The following PTK2 variants were observed in gnomAD, a reference collection of about 807,000 sequenced individuals.
PTK2 encodes protein tyrosine kinase 2.
A neutral mutation model predicts 150.1 loss-of-function variants in PTK2; 45 were observed. That is an observed-to-expected ratio of 0.30 (90% CI 0.24 to 0.38). PTK2 has a LOEUF of 0.38. PTK2 is among the 10% of genes least tolerant of loss of function. The probability of loss-of-function intolerance (pLI) is 1.00; values close to 1 mark genes in which losing one functional copy is unlikely to be tolerated. For synonymous variants in PTK2, 432 were observed against 449.2 expected (o/e 0.96, Z 0.48); for missense variants, 919 against 1,307.3 (o/e 0.70, Z 4.58).
At chr8:140,850,332 G>A (rs1201696227) in intron 5 of PTK2, among the ~76,000 whole-genome samples, 5 of 151,832 alleles carry the variant, frequency 3.3e-5, no homozygotes, top group Non-Finnish European at 5.9e-5. Flanking sequence ...AGGCTAAGGC[G>A]GGAGAATTGC....
chr8:140,929,216 C>T lies in PTK2; in HGVS notation c.-121-3467G>A, dbSNP rs566076927. On this transcript the variant is annotated intron_variant, in intron 1 of 31. Transcript: ENST00000522684. ...TCCTGACCTCGTGATCCGCCCGCCT[C>T]GGCCTCCCAAAGTGCTGGGATTACA... 1.6e-4 allele frequency among the ~76,000 whole-genome samples: 25 copies of T among 151,856 alleles called. No individual in the cohort carries two copies. The East Asian group carries it at 4.4e-3, about 27-fold the overall frequency.
chr8:140,698,768 C>A (rs569599462), intron 26 of PTK2, among the ~76,000 whole-genome samples: 1 of 152,286 alleles, frequency 6.6e-6, no homozygotes, highest in East Asian at 1.9e-4. Context: ...GCATGCATCA[C>A]CACATCTGGC....
chr8:140,737,067 G>A (rs1042869544), intron 21 of PTK2, among the ~76,000 whole-genome samples: 1 of 152,144 alleles, frequency 6.6e-6, no homozygotes, highest in Non-Finnish European at 1.5e-5. Context: ...AATATTATCA[G>A]TAGTAGCAAC....
intron 12 of PTK2, among the ~76,000 whole-genome samples, chr8:140,799,575 A>G (rs1384069549): frequency 2.0e-5 from 3 of 152,196 alleles, no homozygotes; most frequent in African/African-American, 7.2e-5. Flanking sequence ...AGGTATCTCA[A>G]AGTCTAGGCT....
At position 140,918,996 on chromosome 8, in the gene PTK2, T is replaced by C. The variant is rs117751237; in HGVS notation, c.-33+6665A>G. Among the ~76,000 whole-genome samples the C allele has an allele frequency of 3.6e-3, 546 of 151,866 alleles. 11 individuals carry two copies. In the East Asian group the frequency reaches 0.086, roughly 24 times the overall value. ...CTGCCTCCCTGTCCTGGTACAAGAG[T>C]AACATGAGGGGAGAGAGAGGAAGTT... On this transcript the variant is annotated intron_variant, in intron 2 of 31. Coordinates refer to ENST00000522684, the Ensembl canonical transcript of PTK2.
chr8:140,719,503 G>GC (rs2100041592), intron 22 of PTK2, among the ~76,000 whole-genome samples: 2 of 152,072 alleles, frequency 1.3e-5, no homozygotes, highest in South Asian at 4.1e-4. Flanking sequence ...TCTCTGCCCT[G>GC]CCCCTCCAAT....
chr8:140,950,099 C>T (rs1224027188), intron 1 of PTK2, among the ~76,000 whole-genome samples: 2 of 4,104 alleles, frequency 4.9e-4, no homozygotes, highest in Non-Finnish European at 2.5e-3. Context: ...TGTTCTGCTG[C>T]TCAATGAAGC....
In PTK2 at chr8:140,676,395, TTAATTAATTAATTAATTA is replaced by T. The variant is rs1013567894; in HGVS notation, c.2563-914_2563-897del. Among the ~76,000 whole-genome samples the T allele has an allele frequency of 6.6e-4, 36 of 54,308 alleles. 1 individual carries two copies. Among genetic ancestry groups the T allele is most frequent in the Admixed American group, 5.5e-3 (23 of 4,174 alleles). The allele number at this position is 54,308 out of a possible 152,430, so 35.6% of individuals were successfully genotyped here. Reference sequence around the variant, plus strand: ...TGTCTCAAAAAAATTAATTAATTAATTAATTAATTAATTAATTAATATATATATTCCTGTCTTTTGCAG... The same window carrying T: ...TGTCTCAAAAAAATTAATTAATTAATATATATATATTCCTGTCTTTTGCAG... On this transcript the variant is annotated intron_variant, in intron 27 of 31. Coordinates refer to ENST00000522684, the Ensembl canonical transcript of PTK2.
intron 24 of PTK2, among the ~76,000 whole-genome samples, chr8:140,704,104 C>CTAT (rs931607898): frequency 2.6e-5 from 4 of 152,186 alleles, no homozygotes; most frequent in African/African-American, 9.7e-5. Flanking sequence ...GCAAAATGCT[C>CTAT]TATCAAGATT....
At chr8:140,973,251 A>C (rs1432428379) in intron 1 of PTK2, among the ~76,000 whole-genome samples, 1 of 152,170 alleles carries the variant, frequency 6.6e-6, no homozygotes, top group African/African-American at 2.4e-5. Context: ...AAGCTCTTGG[A>C]AGCTCGTCCG....
intron 26 of PTK2, among the ~76,000 whole-genome samples, chr8:140,688,033 T>A (rs898710784): frequency 6.6e-6 from 1 of 152,144 alleles, no homozygotes; most frequent in Non-Finnish European, 1.5e-5. Flanking sequence ...TTGTTAACAG[T>A]CCTCAGGGAT....
Position 140,860,353 on chromosome 8 carries a change from G to A in PTK2, c.450+3959C>T, listed in dbSNP as rs114769307. ...GGTCCAATCATAGGGAACTGCCAAC[G>A]TTTCAACTGTTTTTTACTTACGGTA... On this transcript the variant is annotated intron_variant, in intron 5 of 31. Transcript: ENST00000522684. Among the ~76,000 whole-genome samples, 684 of 152,270 alleles carry A rather than the reference G, an allele frequency of 4.5e-3. 4 individuals carry two copies. The highest frequency in any genetic ancestry group is 0.016 in the African/African-American group (649 of 41,568).
intron 1 of PTK2, among the ~76,000 whole-genome samples, chr8:140,941,089 C>A (rs777777894): frequency 5.9e-5 from 9 of 152,118 alleles, no homozygotes; most frequent in Non-Finnish European, 1.0e-4. Flanking sequence ...CATGCAATGA[C>A]AAGTGAACCA....
Position 140,777,568 on chromosome 8 carries a change from T to C in PTK2, c.1177+11906A>G, listed in dbSNP as rs60746508. 4.2e-3 allele frequency among the ~76,000 whole-genome samples: 646 copies of C among 152,350 alleles called. 9 individuals are homozygous for C. Among genetic ancestry groups the C allele is most frequent in the African/African-American group, 0.015 (614 of 41,578 alleles). The stretch of plus-strand genomic sequence containing the variant: ...ATATCCAAATGATATCAGTTGCTTT[T>C]AGTCGCTTAGATCTAAAAACTCCCA... On this transcript the variant is annotated intron_variant, in intron 14 of 31. Transcript: ENST00000522684.
chr8:140,693,414 A>C (rs140901158), intron 26 of PTK2, among the ~76,000 whole-genome samples: 2 of 151,840 alleles, frequency 1.3e-5, no homozygotes, highest in African/African-American at 4.8e-5. Context: ...AAAATTAGCC[A>C]GGCTTGGTAG....
At chr8:140,718,320 T>G (rs1360722792) in intron 22 of PTK2, 1 of 152,496 alleles carries the variant, frequency 6.6e-6, no homozygotes, top group Non-Finnish European at 1.5e-5. Context: ...TACTTACCAC[T>G]GCTTGACTAC....
intron 26 of PTK2, among the ~76,000 whole-genome samples, chr8:140,696,330 T>C (rs1040610500): frequency 6.6e-6 from 1 of 152,158 alleles, no homozygotes; most frequent in Non-Finnish European, 1.5e-5. Flanking sequence ...GGAACTTACG[T>C]TTTATTAGAG....
intron 1 of PTK2, among the ~76,000 whole-genome samples, chr8:140,927,950 AAAAAAAAG>A (rs1473211650): frequency 2.4e-5 from 2 of 83,380 alleles, no homozygotes; most frequent in African/African-American, 9.3e-5. Context: ...GAAAAAAAAA[AAAAAAAAG>A]AAAAAAAAAA....
At chr8:140,978,257 A>G (rs934956548) in intron 1 of PTK2, among the ~76,000 whole-genome samples, 1 of 152,230 alleles carries the variant, frequency 6.6e-6, no homozygotes, top group Non-Finnish European at 1.5e-5. Context: ...AAACAGACAA[A>G]TGGGATCTAA....
Sources: gnomAD v4.1 joint callset for allele counts (sites outside exome capture counted in the v4.1 genomes callset) on GRCh38, gnomAD v4.1.1 for gene constraint, MANE v1.5 for transcripts, NCBI Gene and HGNC (gene_info 2026-07-23, HGNC 2026-07-21) for gene names.